MAST4: variants seen among roughly 807,000 people sequenced by gnomAD.
MAST4 encodes the protein microtubule associated serine/threonine kinase family member 4, also known as microtubule-associated serine/threonine-protein kinase 4.
Under a neutral mutation model 162.7 loss-of-function variants are expected in MAST4, and 89 were observed. The ratio of observed to expected loss-of-function variants is 0.55; its 90% CI spans 0.46 to 0.65. MAST4 has a LOEUF of 0.65. MAST4 is among the 30% of genes least tolerant of loss of function. The pLI is 0.00. For missense variants in MAST4, 3,153 were observed against 3,374.0 expected (o/e 0.93, Z 1.62); for synonymous variants, 1,479 against 1,361.1 (o/e 1.09, Z -1.91).
intron 1 of MAST4, among the ~76,000 whole-genome samples, chr5:66,746,558 A>G (rs1446926237): frequency 2.0e-5 from 3 of 152,188 alleles, no homozygotes; most frequent in African/African-American, 4.8e-5. Flanking sequence ...GCAGGCATAT[A>G]ATGTCAGGTT....
intron 23 of MAST4, among the ~76,000 whole-genome samples, chr5:67,147,639 C>T (rs1304127226): frequency 6.6e-6 from 1 of 152,170 alleles, no homozygotes; most frequent in Non-Finnish European, 1.5e-5. Context: ...TCATTTTATA[C>T]TTGTCAGTGA....
chr5:66,939,384 T>A (rs1421717685), intron 4 of MAST4, among the ~76,000 whole-genome samples: 2 of 152,170 alleles, frequency 1.3e-5, no homozygotes, highest in Non-Finnish European at 2.9e-5. Context: ...AGTACCATCT[T>A]TTTCCATATC....
chr5:66,803,686 G>A (rs970695778), intron 3 of MAST4, among the ~76,000 whole-genome samples: 5 of 152,114 alleles, frequency 3.3e-5, no homozygotes, highest in Admixed American at 2.0e-4. Context: ...ATTAAATTAA[G>A]ATTACTAATT....
At chr5:67,151,634 C>T (rs182852912) in intron 24 of MAST4, among the ~76,000 whole-genome samples, 49 of 152,160 alleles carry the variant, frequency 3.2e-4, no homozygotes, top group Admixed American at 2.9e-3. Context: ...TCTCAGAAAC[C>T]TTATTAGAAT....
At chr5:67,040,887 T>G (rs1402928087) in intron 4 of MAST4, among the ~76,000 whole-genome samples, 1 of 152,222 alleles carries the variant, frequency 6.6e-6, no homozygotes, top group Non-Finnish European at 1.5e-5. Flanking sequence ...ACTGCCTGGG[T>G]TTAGATCCCG....
intron 1 of MAST4, among the ~76,000 whole-genome samples, chr5:66,694,957 A>G (rs770271753): frequency 6.6e-6 from 1 of 152,020 alleles, no homozygotes; most frequent in Non-Finnish European, 1.5e-5. Context: ...ATTTTCTCCC[A>G]TTCTGTAGCT....
chr5:66,703,426 G>A (rs996724532), intron 1 of MAST4, among the ~76,000 whole-genome samples: 52 of 152,236 alleles, frequency 3.4e-4, no homozygotes, highest in African/African-American at 1.1e-3. Context: ...TAATATCTAG[G>A]TTTATTAGTT....
intron 4 of MAST4, among the ~76,000 whole-genome samples, chr5:66,973,466 T>C (rs946774044): frequency 6.6e-6 from 1 of 152,186 alleles, no homozygotes; most frequent in Admixed American, 6.5e-5. Context: ...GGCTTTGTCA[T>C]CTTTAGATTC....
intron 3 of MAST4, among the ~76,000 whole-genome samples, chr5:66,886,404 A>C (rs995735763): frequency 3.3e-5 from 5 of 152,172 alleles, no homozygotes; most frequent in African/African-American, 1.2e-4. Flanking sequence ...CAAATTCATC[A>C]ACTTGTCCAA....
chr5:66,635,955 T>G (rs1745086174), intron 1 of MAST4, among the ~76,000 whole-genome samples: 1 of 119,698 alleles, frequency 8.4e-6, no homozygotes. Flanking sequence ...TGTTTTTTTT[T>G]TTTTTTTTTT....
Position 66,734,706 on chromosome 5 carries a change from C to T in MAST4, c.364-25003C>T, listed in dbSNP as rs576743094. On this transcript the variant is annotated intron_variant, in intron 1 of 28. Coordinates refer to ENST00000403625, the MANE Select transcript of MAST4 (RefSeq NM_001164664.2). ...ACATGTGGCTTTTGAGCTCTGAAAA[C>T]AGGCTAGTGCAACTGAGGAACTAAA... Among the ~76,000 whole-genome samples the T allele has an allele frequency of 3.3e-5, 5 of 152,280 alleles. No individual in the cohort carries two copies. In the South Asian group the frequency reaches 1.0e-3, roughly 32 times the overall value.
Position 67,104,467 on chromosome 5 carries a change from C to T in MAST4, c.1248C>T (p.His416=). The part of the protein sequence containing the change: ...LADGVLSFTH[H]QIIELARDCL... ...ATGGAGTGCTTAGTTTCACTCACCACCAGATTATTGAACTGGCTCGAGATT... is the reference window on the plus strand; with the variant it reads ...ATGGAGTGCTTAGTTTCACTCACCATCAGATTATTGAACTGGCTCGAGATT... Residue 416 remains histidine (H), a synonymous_variant, in exon 10 of 29, where the codon CAC becomes CAT. Transcript: ENST00000403625. 6.2e-7 allele frequency: 1 copy of T among 1,613,836 alleles called. No homozygotes were observed. Among genetic ancestry groups the T allele is most frequent in the Non-Finnish European group, 8.5e-7 (1 of 1,179,766 alleles).
At chr5:66,831,808 T>C (rs1757615001) in intron 3 of MAST4, among the ~76,000 whole-genome samples, 1 of 152,178 alleles carries the variant, frequency 6.6e-6, no homozygotes, top group African/African-American at 2.4e-5. Context: ...TCAGATTGCA[T>C]CTCAAAACAT....
intron 3 of MAST4, chr5:66,792,648 A>G (rs1206785136): frequency 6.6e-6 from 1 of 152,108 alleles, no homozygotes; most frequent in Non-Finnish European, 1.5e-5. Flanking sequence ...TTTGCTGTCC[A>G]GTGTGCATCT....
intron 4 of MAST4, among the ~76,000 whole-genome samples, chr5:66,959,652 A>G (rs1212412723): frequency 6.6e-6 from 1 of 152,208 alleles, no homozygotes; most frequent in Non-Finnish European, 1.5e-5. Flanking sequence ...TTCTAAAGAA[A>G]GGCCTCTGTC....
At position 67,129,484 on chromosome 5, in the gene MAST4, C is replaced by A. The variant is rs903245780; in HGVS notation, c.1746-726C>A. On this transcript the variant is annotated intron_variant, in intron 14 of 28. Transcript: ENST00000403625. ...CCTGTAATCCTAGCACTTTGGGAGG[C>A]CAAGGAGGGCAGATCACTTGAGGTC... Among the ~76,000 whole-genome samples the A allele has an allele frequency of 2.6e-5, 4 of 152,010 alleles. 1 individual carries two copies. The South Asian group carries it at 8.3e-4, about 32-fold the overall frequency.
At chr5:67,141,649 T>C (rs1420736138) in intron 19 of MAST4, among the ~76,000 whole-genome samples, 1 of 152,180 alleles carries the variant, frequency 6.6e-6, no homozygotes, top group Non-Finnish European at 1.5e-5. Flanking sequence ...TCCACTAAAA[T>C]TGAATGGTAA....
intron 3 of MAST4, among the ~76,000 whole-genome samples, chr5:66,869,243 A>G (rs1360707380): frequency 6.6e-6 from 1 of 152,228 alleles, no homozygotes; most frequent in East Asian, 1.9e-4. Context: ...CATTAAGTTG[A>G]AAGGAGCACT....
chr5:66,947,369 C>T (rs1228439285), intron 4 of MAST4, among the ~76,000 whole-genome samples: 1 of 152,138 alleles, frequency 6.6e-6, no homozygotes, highest in Non-Finnish European at 1.5e-5. Context: ...ATCCATCTCC[C>T]TACAAAGAAA....
Sources: allele counts gnomAD v4.1 joint callset (sites outside exome capture counted in the v4.1 genomes callset), GRCh38; gene constraint gnomAD v4.1.1; transcripts MANE v1.5; gene names NCBI Gene and HGNC (gene_info 2026-07-23, HGNC 2026-07-21).